GALNT13: variants seen among roughly 807,000 people sequenced by gnomAD.
GALNT13 encodes the protein UDP-GalNAc:polypeptide N-acetylgalactosaminyltransferase 13.
In GALNT13, 28 loss-of-function variants were observed where a neutral mutation model predicts 64.2. The ratio of observed to expected loss-of-function variants is 0.44; its 90% CI spans 0.32 to 0.60. GALNT13 has a LOEUF of 0.60. Ranked by LOEUF, GALNT13 falls within the 20% of genes least tolerant of loss-of-function variation. The pLI is 0.05. For missense variants in GALNT13, 577 were observed against 669.8 expected, an observed-to-expected ratio of 0.86 and a Z score of 1.53; for synonymous variants, 214 against 224.6, an observed-to-expected ratio of 0.95 and a Z score of 0.42.
At chr2:154,189,644 A>T (rs956772956) in intron 4 of GALNT13, among the ~76,000 whole-genome samples, 3 of 152,082 alleles carry the variant, frequency 2.0e-5, no homozygotes, top group African/African-American at 7.2e-5. Flanking sequence ...CAGTTGAAGC[A>T]GACTAAGACA....
intron 3 of GALNT13, among the ~76,000 whole-genome samples, chr2:154,044,385 T>G (rs1168989279): frequency 6.6e-6 from 1 of 152,206 alleles, no homozygotes; most frequent in Non-Finnish European, 1.5e-5. Context: ...GCATTTCAGA[T>G]GGAGGCACTC....
At chr2:153,679,984 T>A in the GALNT13 span, among the ~76,000 whole-genome samples, 1 of 151,874 alleles carries the variant, frequency 6.6e-6, no homozygotes, top group African/African-American at 2.4e-5. Flanking sequence ...ATAACATAGT[T>A]TTATCTTCAG....
chr2:153,219,881 C>G, the GALNT13 span, among the ~76,000 whole-genome samples: 2 of 152,298 alleles, frequency 1.3e-5, no homozygotes, highest in Non-Finnish European at 2.9e-5. Flanking sequence ...ATCTTCTTTA[C>G]ATAAGAGTAA....
At chr2:153,139,915 G>A in the GALNT13 span, among the ~76,000 whole-genome samples, 2 of 152,100 alleles carry the variant, frequency 1.3e-5, no homozygotes, top group South Asian at 2.1e-4. Context: ...ATCATCTTTA[G>A]TTTGGGAAGC....
the GALNT13 span, among the ~76,000 whole-genome samples, chr2:153,283,556 C>T: frequency 2.0e-5 from 3 of 152,096 alleles, no homozygotes; most frequent in Non-Finnish European, 4.4e-5. Context: ...TTAGTGGGTG[C>T]TCCAAATGCC....
intron 2 of GALNT13, among the ~76,000 whole-genome samples, chr2:153,914,224 A>G (rs1689173812): frequency 6.6e-6 from 1 of 152,150 alleles, no homozygotes; most frequent in African/African-American, 2.4e-5. Flanking sequence ...TCACAAATCA[A>G]AGAGAACACT....
At chr2:153,713,638 A>T in the GALNT13 span, among the ~76,000 whole-genome samples, 1 of 152,148 alleles carries the variant, frequency 6.6e-6, no homozygotes, top group African/African-American at 2.4e-5. Context: ...GTACGCCACC[A>T]CACCCAGCTA....
intron 9 of GALNT13, among the ~76,000 whole-genome samples, chr2:154,394,639 C>A (rs1327517561): frequency 1.3e-5 from 2 of 152,128 alleles, no homozygotes; most frequent in Non-Finnish European, 2.9e-5. Flanking sequence ...ATGAGAAATT[C>A]TTCTAGTGAT....
the GALNT13 span, among the ~76,000 whole-genome samples, chr2:153,510,703 T>C: frequency 6.6e-6 from 1 of 151,944 alleles, no homozygotes. Flanking sequence ...CTGTTGTAGT[T>C]TAAAAACTTG....
chr2:154,101,117 G>T (rs551040559), intron 3 of GALNT13, among the ~76,000 whole-genome samples: 1 of 151,822 alleles, frequency 6.6e-6, no homozygotes, highest in Non-Finnish European at 1.5e-5. Flanking sequence ...TAGTATTTTG[G>T]TGAGGATTTT....
At chr2:154,018,095 T>C (rs2105267564) in intron 3 of GALNT13, among the ~76,000 whole-genome samples, 1 of 152,346 alleles carries the variant, frequency 6.6e-6, no homozygotes, top group Non-Finnish European at 1.5e-5. Flanking sequence ...TAGCTCTTTT[T>C]ATATTTAGGA....
At chr2:153,456,622 A>G in the GALNT13 span, among the ~76,000 whole-genome samples, 12 of 152,206 alleles carry the variant, frequency 7.9e-5, no homozygotes, top group African/African-American at 2.7e-4. Context: ...ATGAGCATCA[A>G]TCTGTTGCTA....
At chr2:153,478,836 G>A in the GALNT13 span, 1 of 422,126 alleles carries the variant, frequency 2.4e-6, no homozygotes, top group South Asian at 7.0e-5. Context: ...GAACTTGGCG[G>A]GGCTGGACCA....
the GALNT13 span, among the ~76,000 whole-genome samples, chr2:153,219,406 CT>C: frequency 1.3e-5 from 2 of 152,160 alleles, no homozygotes; most frequent in African/African-American, 4.8e-5. Flanking sequence ...TAAAGCATTT[CT>C]TGATGTATCA....
At chr2:154,186,689 T>A (rs1373235407) in intron 4 of GALNT13, among the ~76,000 whole-genome samples, 1 of 152,128 alleles carries the variant, frequency 6.6e-6, no homozygotes, top group Non-Finnish European at 1.5e-5. Context: ...GCCTATGTTA[T>A]TGAGCTAAAG....
At chr2:154,250,948 C>T (rs985920171) in intron 7 of GALNT13, among the ~76,000 whole-genome samples, 1 of 151,994 alleles carries the variant, frequency 6.6e-6, no homozygotes, top group African/African-American at 2.4e-5. Context: ...CTCAACTAGT[C>T]AATGCTCTTG....
the GALNT13 span, among the ~76,000 whole-genome samples, chr2:153,108,035 ACT>A: frequency 6.6e-6 from 1 of 151,878 alleles, no homozygotes; most frequent in Non-Finnish European, 1.5e-5. Context: ...GCATCACCAC[ACT>A]CGGCTAATTT....
chr2:153,391,821 T>A, the GALNT13 span, among the ~76,000 whole-genome samples: 16,092 of 151,762 alleles, frequency 0.11, 976 homozygotes, highest in African/African-American at 0.15. Context: ...GTGCACTCAT[T>A]TTAGTATAAA....
intron 11 of GALNT13, among the ~76,000 whole-genome samples, chr2:154,430,769 AT>A (rs1422520200): frequency 1.3e-5 from 2 of 152,270 alleles, no homozygotes; most frequent in Admixed American, 1.3e-4. Context: ...ATTTTTTAAA[AT>A]TACTACATCC....
Sources: gnomAD v4.1 joint callset for allele counts (sites outside exome capture counted in the v4.1 genomes callset) on GRCh38, gnomAD v4.1.1 for gene constraint, MANE v1.5 for transcripts, NCBI Gene and HGNC (gene_info 2026-07-23, HGNC 2026-07-21) for gene names.